The following SULF1 variants were observed in gnomAD, a reference collection of about 807,000 sequenced individuals.
SULF1 encodes the protein sulfatase 1, also known as extracellular sulfatase Sulf-1.
A neutral mutation model predicts 110.5 loss-of-function variants in SULF1; 46 were observed. The observed-to-expected ratio is 0.42, with a 90% CI of 0.33 to 0.53. SULF1 has a LOEUF of 0.53. Among genes scored for constraint, SULF1 ranks in the 20% least tolerant of loss-of-function variants. SULF1 has a pLI of 0.12. For missense variants in SULF1, 941 were observed against 1,094.2 expected (o/e 0.86, Z 1.98); for synonymous variants, 371 against 387.1 (o/e 0.96, Z 0.49).
intron 21 of SULF1, among the ~76,000 whole-genome samples, chr8:69,639,212 C>T (rs1356868760): frequency 1.3e-5 from 2 of 152,128 alleles, no homozygotes; most frequent in African/African-American, 2.4e-5. Flanking sequence ...TCTGAGTAAA[C>T]CAGGATATTC....
chr8:69,585,204 T>C (rs933226911), intron 6 of SULF1, among the ~76,000 whole-genome samples: 16 of 152,174 alleles, frequency 1.1e-4, no homozygotes, highest in Non-Finnish European at 1.5e-5. Flanking sequence ...TGCTTATACC[T>C]ATACAGACAT....
intron 1 of SULF1, among the ~76,000 whole-genome samples, chr8:69,495,480 C>G (rs997897246): frequency 6.6e-6 from 1 of 152,066 alleles, no homozygotes; most frequent in Non-Finnish European, 1.5e-5. Context: ...TCTAATGCCC[C>G]CCAAGAAATG....
chr8:69,629,354 C>A, intron 18 of SULF1, 150 bp from the exon 19 acceptor site: 1 of 760,572 alleles, frequency 1.3e-6, no homozygotes, highest in Non-Finnish European at 2.0e-6. Flanking sequence ...ATTCCTGATT[C>A]TATTTTAAGT....
chr8:69,487,988 A>T (rs938013975), upstream of SULF1, among the ~76,000 whole-genome samples: 1 of 152,230 alleles, frequency 6.6e-6, no homozygotes, highest in Non-Finnish European at 1.5e-5. Context: ...AGAAGATTAG[A>T]TCGTTGTTCA....
Position 69,636,279 on chromosome 8 carries a change from G to GT in SULF1, c.2285-2222dup, listed in dbSNP as rs1172058472. ...AGACCGGGCGCGGTGGCTCACACCT[G>GT]TAATCCCAACACTTTGGGAGGCCGA... On this transcript the variant is annotated intron_variant, in intron 19 of 22. Coordinates refer to ENST00000402687, the MANE Select transcript of SULF1 (RefSeq NM_001128205.2). Among the ~76,000 whole-genome samples the GT allele has an allele frequency of 2.6e-4, 40 of 152,280 alleles. No individual in the cohort carries two copies. The East Asian group carries it at 7.7e-3, about 29-fold the overall frequency.
At chr8:69,513,762 G>C (rs1278145802) in intron 3 of SULF1, among the ~76,000 whole-genome samples, 6 of 152,198 alleles carry the variant, frequency 3.9e-5, no homozygotes, top group African/African-American at 1.2e-4. Flanking sequence ...CATGCCCTTG[G>C]TGTGGCCAGG....
chr8:69,553,130 C>T lies in SULF1; in HGVS notation c.-133-10409C>T, dbSNP rs377698878. On this transcript the variant is annotated intron_variant, in intron 3 of 22. Transcript: ENST00000402687. ...AGCTCTCCAAAGTCAGGCTTGCTAACCTCCTTTCTCATATATGATCTCTTC... is the reference window on the plus strand; with the variant it reads ...AGCTCTCCAAAGTCAGGCTTGCTAATCTCCTTTCTCATATATGATCTCTTC... 2.4e-4 allele frequency among the ~76,000 whole-genome samples: 37 copies of T among 152,344 alleles called. No homozygotes were observed. In the South Asian group the frequency reaches 5.6e-3, roughly 23 times the overall value.
chr8:69,621,992 A>T (rs575919491), intron 14 of SULF1, among the ~76,000 whole-genome samples: 1 of 152,254 alleles, frequency 6.6e-6, no homozygotes, highest in Non-Finnish European at 1.5e-5. Flanking sequence ...ATTAAATTCT[A>T]TGTCAAAGAT....
At chr8:69,478,174 A>G (rs1586193593) in intron 1 of SULF1, among the ~76,000 whole-genome samples, 1 of 152,282 alleles carries the variant, frequency 6.6e-6, no homozygotes, top group African/African-American at 2.4e-5. Context: ...CTTGAAACTA[A>G]AAAGAATGGT....
At chr8:69,474,467 T>A (rs1809220931) in intron 1 of SULF1, among the ~76,000 whole-genome samples, 3 of 152,220 alleles carry the variant, frequency 2.0e-5, no homozygotes, top group Admixed American at 2.0e-4. Context: ...TGCTTTACCG[T>A]GCATCCAGAA....
intron 13 of SULF1, among the ~76,000 whole-genome samples, chr8:69,605,348 A>G (rs1168194006): frequency 1.3e-5 from 2 of 152,212 alleles, no homozygotes; most frequent in Non-Finnish European, 2.9e-5. Context: ...GGCTAAAGTC[A>G]GAATGTCATC....
At chr8:69,605,022 G>T in intron 13 of SULF1, 90 bp downstream of exon 13, 1 of 1,552,166 alleles carries the variant, frequency 6.4e-7, no homozygotes. Context: ...ATGTACATTT[G>T]TGTATAAATA....
chr8:69,488,478 A>T (rs1809789156), upstream of SULF1, among the ~76,000 whole-genome samples: 1 of 152,202 alleles, frequency 6.6e-6, no homozygotes, highest in Non-Finnish European at 1.5e-5. Flanking sequence ...AGGGGCCCTG[A>T]AATTAATAAA....
chr8:69,654,755 T>C (rs1367710783), intron 22 of SULF1, among the ~76,000 whole-genome samples: 1 of 152,184 alleles, frequency 6.6e-6, no homozygotes, highest in Non-Finnish European at 1.5e-5. Flanking sequence ...CCCCCTTATG[T>C]TGAGTGTGAA....
chr8:69,503,993 A>T (rs967531959), intron 3 of SULF1, among the ~76,000 whole-genome samples: 8 of 151,664 alleles, frequency 5.3e-5, no homozygotes, highest in Admixed American at 2.0e-4. Context: ...AGAGACAGGG[A>T]TTCACCATGT....
chr8:69,589,211 C>A (rs1456976650), intron 8 of SULF1, 70 bp downstream of exon 8: 3 of 1,452,608 alleles, frequency 2.1e-6, no homozygotes, highest in East Asian at 2.4e-5. Flanking sequence ...CCACTCCTCT[C>A]CTTTACCCCG....
intron 22 of SULF1, among the ~76,000 whole-genome samples, chr8:69,644,093 C>T (rs996354250): frequency 6.6e-6 from 1 of 152,210 alleles, no homozygotes; most frequent in Non-Finnish European, 1.5e-5. Flanking sequence ...TTAGACCACA[C>T]AGAGCTCCAC....
intron 3 of SULF1, among the ~76,000 whole-genome samples, chr8:69,550,850 TC>T (rs1814658881): frequency 6.6e-6 from 1 of 152,300 alleles, no homozygotes; most frequent in African/African-American, 2.4e-5. Context: ...CTGCACCTGG[TC>T]CCCATGATTC....
rs1813930433 is a variant in SULF1, at chr8:69,542,534, C to T, written c.-133-21005C>T. Among the ~76,000 whole-genome samples the T allele has an allele frequency of 2.0e-5, 3 of 150,924 alleles. No individual in the cohort carries two copies. In the South Asian group the frequency reaches 6.4e-4, roughly 32 times the overall value. Reference sequence around the variant, plus strand: ...TCACCTCTCCGAATCTGTTTTGACCCCCGAGAAATGGGGATACCAACAGTG... The same window carrying T: ...TCACCTCTCCGAATCTGTTTTGACCTCCGAGAAATGGGGATACCAACAGTG... On this transcript the variant is annotated intron_variant, in intron 3 of 22. Transcript: ENST00000402687.
Sources: allele counts gnomAD v4.1 joint callset (sites outside exome capture counted in the v4.1 genomes callset), GRCh38; gene constraint gnomAD v4.1.1; transcripts MANE v1.5; gene names NCBI Gene and HGNC (gene_info 2026-07-23, HGNC 2026-07-21).